NAMPT: variants seen among roughly 807,000 people sequenced by gnomAD.
NAMPT encodes NAmPRTase.
Under a neutral mutation model 58.7 loss-of-function variants are expected in NAMPT, and 7 were observed. The ratio of observed to expected loss-of-function variants is 0.12; its 90% CI spans 0.07 to 0.22. The LOEUF is 0.22. Ranked by LOEUF, NAMPT falls within the 10% of genes least tolerant of loss-of-function variation. The probability of loss-of-function intolerance (pLI) is 1.00; values close to 1 mark genes in which losing one functional copy is unlikely to be tolerated. For synonymous variants in NAMPT, 145 were observed against 198.1 expected, an observed-to-expected ratio of 0.73 and a Z score of 2.25; for missense variants, 271 against 567.9, an observed-to-expected ratio of 0.48 and a Z score of 5.31.
chr7:106,279,682 G>A (rs1562819614), intron 1 of NAMPT, among the ~76,000 whole-genome samples: 1 of 152,122 alleles, frequency 6.6e-6, no homozygotes, highest in Non-Finnish European at 1.5e-5. Context: ...ACCTACTTCA[G>A]ACACTGAGGA....
At chr7:106,265,567 TAA>T (rs35685666) in intron 6 of NAMPT, among the ~76,000 whole-genome samples, 19 of 116,412 alleles carry the variant, frequency 1.6e-4, no homozygotes, top group East Asian at 7.1e-4. Context: ...CTCAAAAGCT[TAA>T]AAAAAAAAAA....
At chr7:106,275,893 G>C (rs1364475360) in intron 2 of NAMPT, 3 of 152,178 alleles carry the variant, frequency 2.0e-5, no homozygotes, top group Non-Finnish European at 4.4e-5. Flanking sequence ...GCCAGGCATG[G>C]TGGTGCGAGC....
In NAMPT at chr7:106,267,872, A is replaced by AAAAAAAAAAAAAAAAAAC. The variant is rs1562815992; in HGVS notation, c.743+591_743+592insGTTTTTTTTTTTTTTTTT. 1.1e-4 allele frequency among the ~76,000 whole-genome samples: 15 copies of AAAAAAAAAAAAAAAAAAC among 136,272 alleles called. 1 individual carries two copies. Among genetic ancestry groups the AAAAAAAAAAAAAAAAAAC allele is most frequent in the African/African-American group, 4.3e-4 (15 of 34,524 alleles). 89.4% of individuals were successfully genotyped at this position (136,272 alleles called of 152,430 possible). The stretch of plus-strand genomic sequence containing the variant: ...AAAAAAAAAAAAAAAAAAAAAAAAA[A>AAAAAAAAAAAAAAAAAAC]AAAACAACCTGATTTACTTTTAATA... On this transcript the variant is annotated intron_variant, in intron 6 of 10. Transcript: ENST00000222553.
chr7:106,271,311 T>C (rs778470042), intron 4 of NAMPT, among the ~76,000 whole-genome samples: 2 of 152,200 alleles, frequency 1.3e-5, no homozygotes, highest in African/African-American at 2.4e-5. Context: ...TCCTTCTCCT[T>C]ATTAAAAGCT....
chr7:106,272,034 A>G (rs1792544486), intron 4 of NAMPT: 2 of 321,870 alleles, frequency 6.2e-6, no homozygotes, highest in South Asian at 2.6e-5. Context: ...AAATTAAACA[A>G]TATGAACAGC....
intron 1 of NAMPT, among the ~76,000 whole-genome samples, chr7:106,278,653 G>A (rs1792697382): frequency 6.6e-6 from 1 of 152,196 alleles, no homozygotes; most frequent in Non-Finnish European, 1.5e-5. Context: ...GAATGAGTCT[G>A]TAGTAATAAA....
intron 1 of NAMPT, among the ~76,000 whole-genome samples, chr7:106,283,764 TG>T (rs1388465675): frequency 6.6e-6 from 1 of 152,074 alleles, no homozygotes; most frequent in Non-Finnish European, 1.5e-5. Context: ...TTAAGCTGAT[TG>T]GAAAAAAACA....
At chr7:106,278,552 T>C (rs191761796) in intron 1 of NAMPT, among the ~76,000 whole-genome samples, 1 of 152,294 alleles carries the variant, frequency 6.6e-6, no homozygotes, top group East Asian at 1.9e-4. Flanking sequence ...TTAATAAAAT[T>C]TAAGAAGTAG....
intron 4 of NAMPT, chr7:106,272,205 C>A: frequency 3.6e-6 from 1 of 281,580 alleles, no homozygotes; most frequent in Non-Finnish European, 7.4e-6. Context: ...TCGTAAGTTA[C>A]TAGAAATGTG....
intron 1 of NAMPT, 21 bp from the exon 2 acceptor site, chr7:106,277,200 C>T (rs1170906357): frequency 6.3e-7 from 1 of 1,593,658 alleles, no homozygotes; most frequent in South Asian, 1.1e-5. Context: ...AAATACACTT[C>T]TGTTAGAAAA....
intron 8 of NAMPT, among the ~76,000 whole-genome samples, chr7:106,259,789 T>G (rs1473025462): frequency 6.6e-6 from 1 of 152,152 alleles, no homozygotes; most frequent in Non-Finnish European, 1.5e-5. Flanking sequence ...GAACGGACGT[T>G]GTGTTAGCAG....
upstream of NAMPT, chr7:106,285,490 C>G: frequency 1.0e-6 from 1 of 958,566 alleles, no homozygotes; most frequent in South Asian, 4.8e-5. Context: ...GGCTAGGGGG[C>G]GAGGAGCCTC....
intron 1 of NAMPT, among the ~76,000 whole-genome samples, chr7:106,278,573 T>C (rs1792696263): frequency 6.6e-6 from 1 of 152,162 alleles, no homozygotes; most frequent in Non-Finnish European, 1.5e-5. Context: ...CTAAGCAAGA[T>C]AGCTAATACA....
chr7:106,273,348 G>A (rs1161201049), intron 3 of NAMPT, among the ~76,000 whole-genome samples: 1 of 152,172 alleles, frequency 6.6e-6, no homozygotes, highest in Non-Finnish European at 1.5e-5. Context: ...TAAGAGCTGT[G>A]CCTAACTTTT....
At chr7:106,265,941 T>TA (rs1228957246) in intron 6 of NAMPT, among the ~76,000 whole-genome samples, 1 of 152,206 alleles carries the variant, frequency 6.6e-6, no homozygotes, top group African/African-American at 2.4e-5. Flanking sequence ...ACCTCTAAAT[T>TA]TATAGAGTTC....
chr7:106,277,463 G>C (rs1316586968), intron 1 of NAMPT, among the ~76,000 whole-genome samples: 2 of 152,186 alleles, frequency 1.3e-5, no homozygotes, highest in African/African-American at 4.8e-5. Context: ...TTGGGGAACA[G>C]TCCTTCATCC....
chr7:106,276,901 C>T (rs1792658146), intron 2 of NAMPT, 122 bp downstream of exon 2: 2 of 747,564 alleles, frequency 2.7e-6, no homozygotes, highest in Admixed American at 2.8e-5. Context: ...GAACATCAAA[C>T]ACACACCAAA....
chr7:106,285,190 A>G (rs1463924766), upstream of NAMPT: 6 of 1,218,358 alleles, frequency 4.9e-6, no homozygotes, highest in South Asian at 5.0e-5. Context: ...GGGGCGCGGC[A>G]GCGCGCTGCG....
At chr7:106,252,030 T>G (rs1266856265) in intron 10 of NAMPT, among the ~76,000 whole-genome samples, 1 of 152,148 alleles carries the variant, frequency 6.6e-6, no homozygotes, top group African/African-American at 2.4e-5. Context: ...CTGTAGCATT[T>G]TCTTTCACAA....
Sources: allele counts gnomAD v4.1 joint callset (sites outside exome capture counted in the v4.1 genomes callset), GRCh38; gene constraint gnomAD v4.1.1; transcripts MANE v1.5; gene names NCBI Gene and HGNC (gene_info 2026-07-23, HGNC 2026-07-21).